RPA3: variants seen among roughly 807,000 people sequenced by gnomAD.
The protein encoded by RPA3 is replication protein A 14 kDa subunit.
RPA3 carries 24 observed loss-of-function variants against 13.7 expected under a neutral mutation model. The ratio of observed to expected loss-of-function variants is 1.75; its 90% CI spans 1.27 to 2.46. The LOEUF (loss-of-function observed/expected upper bound fraction) is 2.46, where lower values mean the gene tolerates loss of function less well. RPA3 is among the 30% of genes most tolerant of loss of function. RPA3 has a pLI of 0.00. For synonymous variants in RPA3, 59 were observed against 51.2 expected (o/e 1.15, Z -0.65); for missense variants, 183 against 151.0 (o/e 1.21, Z -1.11).
intron 3 of RPA3, among the ~76,000 whole-genome samples, chr7:7,686,785 A>G (rs1780051554): frequency 6.6e-6 from 1 of 152,140 alleles, no homozygotes; most frequent in South Asian, 2.1e-4. Context: ...AGGTGTGAAG[A>G]TTATGATGAA....
At chr7:7,716,994 G>A (rs1422996801) in intron 1 of RPA3, among the ~76,000 whole-genome samples, 1 of 151,854 alleles carries the variant, frequency 6.6e-6, no homozygotes, top group Non-Finnish European at 1.5e-5. Flanking sequence ...AAACCCGTTC[G>A]GGACCCCTTC....
chr7:7,697,776 A>G (rs187487215), intron 2 of RPA3, among the ~76,000 whole-genome samples: 2 of 152,254 alleles, frequency 1.3e-5, no homozygotes, highest in African/African-American at 2.4e-5. Context: ...TTTCCTTGTC[A>G]TTATGCCTCT....
intron 1 of RPA3, among the ~76,000 whole-genome samples, chr7:7,716,900 C>T (rs2115177843): frequency 6.6e-6 from 1 of 152,238 alleles, no homozygotes; most frequent in African/African-American, 2.4e-5. Context: ...GTAAATGGCA[C>T]ACCTGGTCTG....
chr7:7,643,713 AAAAAAAAAAAAACAAACAAACG>A (rs1426968623), intron 4 of RPA3, among the ~76,000 whole-genome samples: 1 of 53,936 alleles, frequency 1.9e-5, no homozygotes, highest in Non-Finnish European at 3.8e-5. Context: ...CTCCCTCTCA[AAAAAAAAAAAAACAAACAAACG>A]AAAAAAAAAG....
At chr7:7,687,522 C>G (rs1780067530) in intron 2 of RPA3, among the ~76,000 whole-genome samples, 194 bp from the exon 3 acceptor site, 1 of 152,192 alleles carries the variant, frequency 6.6e-6, no homozygotes, top group Non-Finnish European at 1.5e-5. Context: ...GGCCTTCCCT[C>G]AACTCAGACT....
chr7:7,682,320 G>T (rs1371839542), intron 4 of RPA3, among the ~76,000 whole-genome samples: 23 of 151,752 alleles, frequency 1.5e-4, no homozygotes, highest in Admixed American at 1.5e-3. Context: ...CTGTTTTCCA[G>T]TCTCAATGAT....
At chr7:7,689,756 A>C (rs1024387845) in intron 2 of RPA3, among the ~76,000 whole-genome samples, 1 of 152,202 alleles carries the variant, frequency 6.6e-6, no homozygotes, top group Non-Finnish European at 1.5e-5. Flanking sequence ...AAATGAAATT[A>C]ATAGATTGTC....
At chr7:7,645,494 G>A (rs1429019679) in intron 4 of RPA3, among the ~76,000 whole-genome samples, 2 of 152,174 alleles carry the variant, frequency 1.3e-5, no homozygotes, top group Admixed American at 1.3e-4. Context: ...TGGAGCTTCA[G>A]CTATCAAGTA....
At chr7:7,685,378 C>G (rs1379804773) in intron 4 of RPA3, among the ~76,000 whole-genome samples, 1 of 149,852 alleles carries the variant, frequency 6.7e-6, no homozygotes, top group Non-Finnish European at 1.5e-5. Context: ...GGTGCCATCT[C>G]AGCTCACTGC....
intron 4 of RPA3, among the ~76,000 whole-genome samples, chr7:7,660,320 A>T (rs1281977579): frequency 5.3e-5 from 8 of 152,290 alleles, no homozygotes; most frequent in African/African-American, 1.9e-4. Context: ...TAATAATGTT[A>T]TGTGTGAATT....
chr7:7,696,556 A>G (rs1780323261), intron 2 of RPA3, among the ~76,000 whole-genome samples: 2 of 152,266 alleles, frequency 1.3e-5, no homozygotes, highest in Middle Eastern at 3.4e-3. Flanking sequence ...AGGGAAGTGT[A>G]TTTCTCCCCA....
intron 3 of RPA3, among the ~76,000 whole-genome samples, chr7:7,686,848 A>G (rs759678443): frequency 1.3e-5 from 2 of 152,158 alleles, no homozygotes; most frequent in Non-Finnish European, 2.9e-5. Context: ...ATTCTAGGAA[A>G]TCTTTTAAAA....
chr7:7,643,739 AAAAAAG>A lies in RPA3; in HGVS notation c.-757-2570_-757-2565del, dbSNP rs1233988802. On this transcript the variant is annotated intron_variant, in intron 4 of 7. Transcript: ENST00000223129. ...AAAAAAAAAAAACAAACAAACGAAA[AAAAAAG>A]GATCAACGGTTAAATCGGACACTTG... 9.1e-5 allele frequency among the ~76,000 whole-genome samples: 8 copies of A among 88,244 alleles called. 1 individual carries two copies. Among genetic ancestry groups the A allele is most frequent in the African/African-American group, 4.5e-4 (7 of 15,644 alleles). 57.9% of individuals were successfully genotyped at this position (88,244 alleles called of 152,430 possible).
intron 2 of RPA3, among the ~76,000 whole-genome samples, chr7:7,697,018 A>G (rs1203571639): frequency 1.3e-5 from 2 of 152,184 alleles, no homozygotes; most frequent in Admixed American, 1.3e-4. Context: ...CAAGGTCTGT[A>G]TAACTTCTGT....
intron 4 of RPA3, among the ~76,000 whole-genome samples, chr7:7,685,363 G>A (rs1047373311): frequency 1.3e-5 from 2 of 148,718 alleles, no homozygotes; most frequent in Non-Finnish European, 3.0e-5. Flanking sequence ...AGGCTGGAGT[G>A]CAGTGGTGCC....
chr7:7,655,772 TA>T (rs1785326137), intron 4 of RPA3, among the ~76,000 whole-genome samples: 2 of 152,134 alleles, frequency 1.3e-5, no homozygotes, highest in South Asian at 2.1e-4. Flanking sequence ...TATTTTAATT[TA>T]AAAAATATTT....
chr7:7,694,485 A>G (rs573344549), intron 2 of RPA3, among the ~76,000 whole-genome samples: 1 of 152,130 alleles, frequency 6.6e-6, no homozygotes, highest in African/African-American at 2.4e-5. Context: ...ATTGTATCAA[A>G]CTATGTATTT....
intron 4 of RPA3, among the ~76,000 whole-genome samples, chr7:7,646,968 G>C (rs114805523): frequency 0.037 from 5,642 of 152,214 alleles, 363 homozygotes; most frequent in African/African-American, 0.13. Flanking sequence ...CTTAAGGGTG[G>C]AGCCCTCGCC....
At chr7:7,641,282 G>C (rs866860837) in intron 4 of RPA3, 107 bp from the exon 5 acceptor site, 2 of 152,168 alleles carry the variant, frequency 1.3e-5, no homozygotes, top group African/African-American at 4.8e-5. Flanking sequence ...CTCCGTGTTG[G>C]CAGCCAATAG....
Sources: gnomAD v4.1 joint callset for allele counts (sites outside exome capture counted in the v4.1 genomes callset) on GRCh38, gnomAD v4.1.1 for gene constraint, MANE v1.5 for transcripts, NCBI Gene and HGNC (gene_info 2026-07-23, HGNC 2026-07-21) for gene names.